Variants in ADARB2 observed in about 807,000 individuals in gnomAD.
The protein encoded by ADARB2 is adenosine deaminase RNA specific B2 (inactive).
Under a neutral mutation model 62.2 loss-of-function variants are expected in ADARB2, and 25 were observed. The ratio of observed to expected loss-of-function variants is 0.40; its 90% CI spans 0.29 to 0.56. The LOEUF (loss-of-function observed/expected upper bound fraction) is 0.56. Ranked by LOEUF, ADARB2 falls within the 20% of genes least tolerant of loss-of-function variation. ADARB2 has a pLI of 0.43. For missense variants in ADARB2, 1,071 were observed against 1,077.4 expected, an observed-to-expected ratio of 0.99 and a Z score of 0.08; for synonymous variants, 572 against 500.8, an observed-to-expected ratio of 1.14 and a Z score of -1.90.
chr10:1,635,446 G>A (rs1002041538), intron 1 of ADARB2, among the ~76,000 whole-genome samples: 1 of 152,176 alleles, frequency 6.6e-6, no homozygotes, highest in Non-Finnish European at 1.5e-5. Context: ...TGTGCTTGCT[G>A]AAAGCATTAG....
chr10:1,689,590 T>A (rs1386561485), intron 1 of ADARB2, among the ~76,000 whole-genome samples: 2 of 152,210 alleles, frequency 1.3e-5, no homozygotes, highest in Non-Finnish European at 1.5e-5. Flanking sequence ...GCATCCCACC[T>A]CATAGACCTG....
At chr10:1,258,247 C>A (rs538233839) in intron 4 of ADARB2, among the ~76,000 whole-genome samples, 1 of 152,220 alleles carries the variant, frequency 6.6e-6, no homozygotes, top group East Asian at 1.9e-4. Flanking sequence ...GAAACTGCAT[C>A]AACTAATGAG....
chr10:1,181,056 C>T lies in ADARB2; in HGVS notation c.*2137G>A, dbSNP rs1288985570. The T allele has an allele frequency of 1.3e-5, 2 of 152,268 alleles. No individual in the cohort carries two copies. Among genetic ancestry groups the T allele is most frequent in the African/African-American group, 4.8e-5 (2 of 41,462 alleles). The allele number at this position is 152,268 out of a possible 1,614,324, so 9.4% of individuals were successfully genotyped here. A position where few individuals can be genotyped will look rare whatever the true frequency, so the allele number is the denominator to read the frequency against. ...GTCTTCCCTGTGACAGTGAAATCTG[C>T]TTACAACACAGGCCCCCTCGCTGCA... On this transcript the variant is annotated 3_prime_UTR_variant, in exon 10 of 10. Coordinates refer to ENST00000381312, the MANE Select transcript of ADARB2 (RefSeq NM_018702.4).
chr10:1,605,392 G>C (rs971635621), intron 1 of ADARB2, among the ~76,000 whole-genome samples: 1 of 152,190 alleles, frequency 6.6e-6, no homozygotes. Context: ...GAGCGAGGTG[G>C]GCCTGGAGAC....
chr10:1,703,372 C>G (rs566319740), intron 1 of ADARB2, among the ~76,000 whole-genome samples: 1 of 152,016 alleles, frequency 6.6e-6, no homozygotes, highest in African/African-American at 2.4e-5. Flanking sequence ...AGCTCCACCC[C>G]GAGGCACAGC....
intron 1 of ADARB2, among the ~76,000 whole-genome samples, chr10:1,709,865 T>C (rs1177152713): frequency 2.0e-5 from 3 of 152,224 alleles, no homozygotes; most frequent in Non-Finnish European, 4.4e-5. Context: ...TTGTTTTTCC[T>C]CACTGAACTT....
chr10:1,684,078 G>C (rs1397886566), intron 1 of ADARB2, among the ~76,000 whole-genome samples: 1 of 152,248 alleles, frequency 6.6e-6, no homozygotes, highest in African/African-American at 2.4e-5. Flanking sequence ...CGTTTCAAAA[G>C]CACATCTTAA....
intron 1 of ADARB2, among the ~76,000 whole-genome samples, chr10:1,527,583 A>G (rs571814421): frequency 2.0e-5 from 3 of 152,382 alleles, no homozygotes; most frequent in East Asian, 3.8e-4. Flanking sequence ...TAACAGGATG[A>G]TTAGAAAGAC....
At chr10:1,314,064 C>T (rs1484540117) in intron 3 of ADARB2, among the ~76,000 whole-genome samples, 1 of 152,270 alleles carries the variant, frequency 6.6e-6, no homozygotes, top group Non-Finnish European at 1.5e-5. Flanking sequence ...CTCAGGAGCC[C>T]TGTGGACCTG....
intron 1 of ADARB2, among the ~76,000 whole-genome samples, chr10:1,410,387 G>A (rs1043099970): frequency 6.6e-6 from 1 of 152,160 alleles, no homozygotes; most frequent in Non-Finnish European, 1.5e-5. Flanking sequence ...CTGCTGCCAC[G>A]AGCACAGTAT....
At chr10:1,555,533 G>C (rs1832686851) in intron 1 of ADARB2, among the ~76,000 whole-genome samples, 1 of 152,216 alleles carries the variant, frequency 6.6e-6, no homozygotes, top group South Asian at 2.1e-4. Context: ...CAGGGACCGT[G>C]AGTGAGTGTG....
chr10:1,278,690 G>C (rs4880808), intron 3 of ADARB2, among the ~76,000 whole-genome samples: 3 of 151,926 alleles, frequency 2.0e-5, no homozygotes, highest in South Asian at 2.1e-4. Flanking sequence ...GGCCCGAAAG[G>C]TTTCCTATTC....
At chr10:1,353,467 C>A (rs1026613557) in intron 3 of ADARB2, among the ~76,000 whole-genome samples, 1 of 152,182 alleles carries the variant, frequency 6.6e-6, no homozygotes, top group Admixed American at 6.5e-5. Flanking sequence ...ACAGCCCTCA[C>A]CTTTACCCTC....
chr10:1,297,419 A>T (rs760919134), intron 3 of ADARB2, among the ~76,000 whole-genome samples: 21 of 152,226 alleles, frequency 1.4e-4, no homozygotes, highest in Non-Finnish European at 1.6e-4. Flanking sequence ...GCAGATTTTT[A>T]GCCGTTGAAA....
intron 1 of ADARB2, among the ~76,000 whole-genome samples, chr10:1,688,247 C>T (rs144924435): frequency 6.6e-6 from 1 of 152,304 alleles, no homozygotes; most frequent in African/African-American, 2.4e-5. Flanking sequence ...CCTCACACCT[C>T]ATGGTGCACT....
intron 6 of ADARB2, among the ~76,000 whole-genome samples, chr10:1,229,627 C>G (rs934350177): frequency 6.6e-6 from 1 of 152,060 alleles, no homozygotes; most frequent in East Asian, 1.9e-4. Flanking sequence ...ATTGATAGAT[C>G]TGATGCATCA....
At chr10:1,654,858 C>T (rs1461565281) in intron 1 of ADARB2, among the ~76,000 whole-genome samples, 1 of 152,248 alleles carries the variant, frequency 6.6e-6, no homozygotes, top group African/African-American at 2.4e-5. Flanking sequence ...AGCCACACGC[C>T]AGGCCCAAGG....
intron 3 of ADARB2, among the ~76,000 whole-genome samples, chr10:1,341,624 C>A (rs1053236214): frequency 6.6e-6 from 1 of 151,892 alleles, no homozygotes. Context: ...TAACCAGCAT[C>A]CACCAGAGAA....
chr10:1,528,551 T>C (rs998458373), intron 1 of ADARB2, among the ~76,000 whole-genome samples: 9 of 152,212 alleles, frequency 5.9e-5, no homozygotes, highest in African/African-American at 2.2e-4. Flanking sequence ...AATTTCACGT[T>C]ACTTGTCTGA....
Sources: allele counts gnomAD v4.1 joint callset (sites outside exome capture counted in the v4.1 genomes callset), GRCh38; gene constraint gnomAD v4.1.1; transcripts MANE v1.5; gene names NCBI Gene and HGNC (gene_info 2026-07-23, HGNC 2026-07-21).